LINGO2: variants seen among roughly 807,000 people sequenced by gnomAD.
LINGO2 encodes the protein leucine-rich repeat and immunoglobulin-like domain-containing nogo receptor-interacting protein 2.
Under a neutral mutation model 30.6 loss-of-function variants are expected in LINGO2, and 14 were observed. The ratio of observed to expected loss-of-function variants is 0.46; its 90% CI spans 0.30 to 0.72. The LOEUF (loss-of-function observed/expected upper bound fraction) is 0.72. Among genes scored for constraint, LINGO2 ranks in the 30% least tolerant of loss-of-function variants. LINGO2 has a pLI of 0.07. For synonymous variants in LINGO2, 317 were observed against 288.5 expected (o/e 1.10, Z -1.00); for missense variants, 729 against 751.7 (o/e 0.97, Z 0.35).
chr9:28,179,897 T>C (rs890544745), intron 4 of LINGO2, among the ~76,000 whole-genome samples: 3 of 151,864 alleles, frequency 2.0e-5, no homozygotes, highest in Non-Finnish European at 4.4e-5. Flanking sequence ...TATGTTAAAT[T>C]AGAGAAACAA....
chr9:28,025,480 T>C (rs1176838978), intron 4 of LINGO2, among the ~76,000 whole-genome samples: 3 of 152,198 alleles, frequency 2.0e-5, no homozygotes, highest in Non-Finnish European at 4.4e-5. Context: ...CTGACTTATA[T>C]GTAGACTCCA....
the LINGO2 span, among the ~76,000 whole-genome samples, chr9:28,876,406 G>A: frequency 6.1e-5 from 9 of 147,656 alleles, no homozygotes; most frequent in South Asian, 6.4e-4. Context: ...CCCACTCCCC[G>A]CACCCAACAA....
intron 2 of LINGO2, among the ~76,000 whole-genome samples, chr9:28,424,810 A>G (rs557520804): frequency 8.5e-5 from 13 of 152,162 alleles, no homozygotes; most frequent in Non-Finnish European, 1.8e-4. Context: ...TGTAAGAATC[A>G]AGATGACATA....
intron 4 of LINGO2, among the ~76,000 whole-genome samples, chr9:28,208,381 T>C (rs1421175892): frequency 1.3e-5 from 2 of 152,060 alleles, no homozygotes; most frequent in Non-Finnish European, 2.9e-5. Context: ...TATGATGATA[T>C]ATCTTACGGC....
chr9:28,042,953 G>A (rs572417078), intron 4 of LINGO2, among the ~76,000 whole-genome samples: 8 of 152,242 alleles, frequency 5.3e-5, no homozygotes, highest in East Asian at 1.9e-4. Context: ...GAAAAATCCC[G>A]TAAACATTTC....
the LINGO2 span, among the ~76,000 whole-genome samples, chr9:29,037,739 G>C: frequency 6.6e-6 from 1 of 151,902 alleles, no homozygotes; most frequent in South Asian, 2.1e-4. Context: ...ACATTAAAAA[G>C]CTCTGTGACC....
chr9:28,515,217 T>C (rs866254539), intron 1 of LINGO2, among the ~76,000 whole-genome samples: 21 of 150,108 alleles, frequency 1.4e-4, no homozygotes, highest in Middle Eastern at 3.4e-3. Context: ...TTTTTTTTTT[T>C]TTTTTTTGAG....
intron 2 of LINGO2, among the ~76,000 whole-genome samples, chr9:28,471,241 G>T (rs1825506025): frequency 6.6e-6 from 1 of 152,124 alleles, no homozygotes; most frequent in Non-Finnish European, 1.5e-5. Context: ...AGGCTGGGAG[G>T]TCCAAGTGCA....
At chr9:28,644,045 G>T (rs1193808145) in intron 1 of LINGO2, among the ~76,000 whole-genome samples, 1 of 152,074 alleles carries the variant, frequency 6.6e-6, no homozygotes, top group Non-Finnish European at 1.5e-5. Flanking sequence ...AAATGCTGAT[G>T]AGGATGTGGA....
At chr9:28,549,827 T>C (rs990907635) in intron 1 of LINGO2, among the ~76,000 whole-genome samples, 18 of 151,864 alleles carry the variant, frequency 1.2e-4, no homozygotes, top group Admixed American at 5.9e-4. Flanking sequence ...CATTTTGTTT[T>C]TTATTTTTTT....
chr9:27,954,909 T>C (rs887663164), intron 5 of LINGO2, among the ~76,000 whole-genome samples: 2 of 152,190 alleles, frequency 1.3e-5, no homozygotes, highest in South Asian at 4.2e-4. Context: ...CTTACCAGCA[T>C]AAATTATTTT....
intron 1 of LINGO2, among the ~76,000 whole-genome samples, chr9:28,504,149 A>G (rs974242794): frequency 1.3e-5 from 2 of 151,948 alleles, no homozygotes; most frequent in African/African-American, 4.8e-5. Flanking sequence ...CAAATATTTC[A>G]TTAATTCCTC....
intron 1 of LINGO2, among the ~76,000 whole-genome samples, chr9:28,503,824 G>A (rs780340193): frequency 4.0e-5 from 6 of 151,308 alleles, no homozygotes; most frequent in Non-Finnish European, 8.9e-5. Flanking sequence ...GGAACATTAC[G>A]AGACAGTAGA....
intron 1 of LINGO2, among the ~76,000 whole-genome samples, chr9:28,608,152 A>T (rs767734446): frequency 2.3e-4 from 8 of 34,158 alleles, no homozygotes; most frequent in South Asian, 1.2e-3. Flanking sequence ...GTAGAAAGAT[A>T]AAAAAAAAAA....
chr9:28,773,863 G>A, the LINGO2 span, among the ~76,000 whole-genome samples: 213 of 152,154 alleles, frequency 1.4e-3, no homozygotes, highest in African/African-American at 4.8e-3. Context: ...TGAAACTCAC[G>A]CTACATCGTG....
At chr9:28,506,409 TATATATATATATAC>T (rs376893498) in intron 1 of LINGO2, among the ~76,000 whole-genome samples, 43,562 of 73,998 alleles carry the variant, frequency 0.59, 9,392 homozygotes, top group South Asian at 0.67. Context: ...CATATATATA[TATATATATATATAC>T]ACACACACAC....
chr9:28,420,264 A>G (rs1313807914), intron 2 of LINGO2, among the ~76,000 whole-genome samples: 1 of 152,102 alleles, frequency 6.6e-6, no homozygotes, highest in African/African-American at 2.4e-5. Flanking sequence ...CTTCAGGCAT[A>G]AGCACTAAGT....
intron 3 of LINGO2, among the ~76,000 whole-genome samples, chr9:28,301,942 A>T (rs1032807086): frequency 1.4e-4 from 21 of 152,150 alleles, no homozygotes; most frequent in African/African-American, 5.1e-4. Flanking sequence ...TTAAAGAAAA[A>T]ATCTTCAACC....
chr9:28,651,466 C>T (rs1828099616), intron 1 of LINGO2, among the ~76,000 whole-genome samples: 1 of 152,122 alleles, frequency 6.6e-6, no homozygotes, highest in Non-Finnish European at 1.5e-5. Context: ...TCATTCTACA[C>T]TGCTCCCCAA....
Sources: allele counts gnomAD v4.1 joint callset (sites outside exome capture counted in the v4.1 genomes callset), GRCh38; gene constraint gnomAD v4.1.1; transcripts MANE v1.5; gene names NCBI Gene and HGNC (gene_info 2026-07-23, HGNC 2026-07-21).